DSCAM: variants seen among roughly 807,000 people sequenced by gnomAD.
DSCAM encodes the protein cell adhesion molecule DSCAM.
Under a neutral mutation model 217.7 loss-of-function variants are expected in DSCAM, and 47 were observed. The ratio of observed to expected loss-of-function variants is 0.22; its 90% CI spans 0.17 to 0.28. The LOEUF (loss-of-function observed/expected upper bound fraction) is 0.28, where lower values mean the gene tolerates loss of function less well. DSCAM is among the 10% of genes least tolerant of loss of function. The probability of loss-of-function intolerance (pLI) is 1.00; values close to 1 mark genes in which losing one functional copy is unlikely to be tolerated. For missense variants in DSCAM, 2,080 were observed against 2,618.3 expected, an observed-to-expected ratio of 0.79 and a Z score of 4.49; for synonymous variants, 1,056 against 1,015.3, an observed-to-expected ratio of 1.04 and a Z score of -0.76.
chr21:40,342,209 T>C (rs888870242), intron 6 of DSCAM, among the ~76,000 whole-genome samples: 2 of 152,182 alleles, frequency 1.3e-5, no homozygotes, highest in Non-Finnish European at 2.9e-5. Flanking sequence ...ATAGTATCTA[T>C]GTCAGATATC....
At chr21:40,789,968 C>T (rs1012049967) in intron 1 of DSCAM, among the ~76,000 whole-genome samples, 1 of 152,134 alleles carries the variant, frequency 6.6e-6, no homozygotes, top group African/African-American at 2.4e-5. Context: ...GTCTATATGG[C>T]TCTGATTGGT....
In DSCAM at chr21:40,846,507, G is replaced by A. The variant is rs569967637; in HGVS notation, c.43+112C>T. ...AAAGCACGAAATTTTAAACACAGAT[G>A]AAGCGGAAAAAGAAAGAAGACTTTA... On this transcript the variant is annotated intron_variant, in intron 1 of 32. Coordinates refer to ENST00000400454, the MANE Select transcript of DSCAM (RefSeq NM_001389.5). 28 of 384,472 alleles carry A rather than the reference G, an allele frequency of 7.3e-5. No individual in the cohort carries two copies. In the East Asian group the frequency reaches 2.1e-3, roughly 29 times the overall value. The allele number at this position is 384,472 out of a possible 1,614,324, so 23.8% of individuals were successfully genotyped here.
intron 3 of DSCAM, among the ~76,000 whole-genome samples, chr21:40,665,925 C>G (rs1202688403): frequency 2.0e-5 from 3 of 152,064 alleles, no homozygotes; most frequent in Admixed American, 2.0e-4. Context: ...TATCTCATGC[C>G]ACCTGTTCTT....
intron 3 of DSCAM, among the ~76,000 whole-genome samples, chr21:40,659,389 CTA>C (rs2090112812): frequency 7.3e-6 from 1 of 137,138 alleles, no homozygotes; most frequent in African/African-American, 3.0e-5. Context: ...ATCTATCTAT[CTA>C]TCATCTCTCT....
In DSCAM at chr21:40,459,170, A is replaced by C. The variant is rs886430658; in HGVS notation, c.509-89925T>G. On this transcript the variant is annotated intron_variant, in intron 3 of 32. Transcript: ENST00000400454. ...GCATTCGAAAACAGAATGATGTTAG[A>C]GCTATTAAATAAATCAAAAGTTTTG... 5.3e-5 allele frequency among the ~76,000 whole-genome samples: 8 copies of C among 152,340 alleles called. No homozygotes were observed. The South Asian group carries it at 6.2e-4, about 12-fold the overall frequency.
At position 40,563,534 on chromosome 21, in the gene DSCAM, T is replaced by C. The variant is rs952775196; in HGVS notation, c.508+129276A>G. ...GTAAAACAAAATATATCTATTTGTT[T>C]ATAGTTATATGTTTATATATGTTTA... On this transcript the variant is annotated intron_variant, in intron 3 of 32. Coordinates refer to ENST00000400454, the MANE Select transcript of DSCAM (RefSeq NM_001389.5). Among the ~76,000 whole-genome samples the C allele has an allele frequency of 2.3e-4, 25 of 111,068 alleles. 1 individual carries two copies. In the South Asian group the frequency reaches 6.7e-3, roughly 30 times the overall value. The allele number at this position is 111,068 out of a possible 152,430, so 72.9% of individuals were successfully genotyped here.
At chr21:40,636,956 CTCTG>C (rs2089769561) in intron 3 of DSCAM, among the ~76,000 whole-genome samples, 1 of 149,748 alleles carries the variant, frequency 6.7e-6, no homozygotes, top group Non-Finnish European at 1.5e-5. Context: ...TCAGCACTAT[CTCTG>C]TCTGTGGTGA....
At chr21:40,433,581 G>A (rs545132990) in intron 3 of DSCAM, among the ~76,000 whole-genome samples, 16 of 152,284 alleles carry the variant, frequency 1.1e-4, no homozygotes, top group East Asian at 3.9e-4. Context: ...CACTGTTGGC[G>A]GATGGCAGAG....
At chr21:40,371,409 C>G (rs948499291) in intron 3 of DSCAM, among the ~76,000 whole-genome samples, 2 of 132,438 alleles carry the variant, frequency 1.5e-5, no homozygotes, top group African/African-American at 5.6e-5. Flanking sequence ...GTTTGATAGA[C>G]AGAAAGGAAA....
Position 40,508,734 on chromosome 21 carries a change from AATATATATATAT to A in DSCAM, c.509-139501_509-139490del, listed in dbSNP as rs760072956. On this transcript the variant is annotated intron_variant, in intron 3 of 32. Coordinates refer to ENST00000400454, the MANE Select transcript of DSCAM (RefSeq NM_001389.5). ...CAGGTGCAAACCACCACACCCGGCA[AATATATATATAT>A]ATATATATATATATATATATATATA... 2.2e-4 allele frequency among the ~76,000 whole-genome samples: 10 copies of A among 45,846 alleles called. No homozygotes were observed. The East Asian group carries it at 2.8e-3, about 13-fold the overall frequency. The allele number at this position is 45,846 out of a possible 152,430, so 30.1% of individuals were successfully genotyped here.
chr21:40,100,157 G>A (rs374008108), intron 20 of DSCAM, among the ~76,000 whole-genome samples: 14 of 152,278 alleles, frequency 9.2e-5, no homozygotes, highest in Admixed American at 2.0e-4. Flanking sequence ...AGTATTTATT[G>A]TAAACAGAAT....
At position 40,557,668 on chromosome 21, in the gene DSCAM, A is replaced by G. The variant is rs563053853; in HGVS notation, c.508+135142T>C. Among the ~76,000 whole-genome samples, 5 of 152,218 alleles carry G rather than the reference A, an allele frequency of 3.3e-5. No homozygotes were observed. In the South Asian group the frequency reaches 1.0e-3, roughly 32 times the overall value. On this transcript the variant is annotated intron_variant, in intron 3 of 32. Transcript: ENST00000400454. ...TTTTCACCATGTAATCTCCCTGTACATGCGCACTTCTCTTCTGCTTTTTGT... is the reference window on the plus strand; with the variant it reads ...TTTTCACCATGTAATCTCCCTGTACGTGCGCACTTCTCTTCTGCTTTTTGT...
Position 40,339,216 on chromosome 21 carries a change from G to A in DSCAM, c.1410C>T (p.Asn470=). ...TSEGNVVSYL[N]ISSSQVRDGG... ...CGTCCCGGACCTGGGAGCTGGAGAT[G>A]TTCAGGTAGCTGACCACGTTCCCCT... Residue 470 remains asparagine, a synonymous_variant, in exon 7 of 33, where the codon AAC becomes AAT. Transcript: ENST00000400454. The A allele has an allele frequency of 6.2e-7, 1 of 1,614,234 alleles. No homozygotes were observed.
intron 3 of DSCAM, among the ~76,000 whole-genome samples, chr21:40,655,617 CT>C (rs923897147): frequency 2.0e-5 from 3 of 150,940 alleles, no homozygotes; most frequent in Admixed American, 6.6e-5. Flanking sequence ...TAATTTTTTT[CT>C]TTTTTTTTAA....
chr21:40,191,124 G>T (rs1282764959), intron 11 of DSCAM, among the ~76,000 whole-genome samples: 3 of 152,114 alleles, frequency 2.0e-5, no homozygotes, highest in East Asian at 3.9e-4. Context: ...AAACACTGTG[G>T]CTTCTTCTAA....
intron 11 of DSCAM, among the ~76,000 whole-genome samples, chr21:40,195,985 T>C (rs1471229426): frequency 1.3e-5 from 2 of 152,044 alleles, no homozygotes; most frequent in Non-Finnish European, 2.9e-5. Context: ...ACTGAATACA[T>C]TTTTTTTATT....
At chr21:40,725,458 T>C (rs2090945831) in intron 1 of DSCAM, among the ~76,000 whole-genome samples, 1 of 152,200 alleles carries the variant, frequency 6.6e-6, no homozygotes, top group South Asian at 2.1e-4. Flanking sequence ...GACTTTACCA[T>C]CCCTTGTACT....
At chr21:40,791,555 T>G (rs868598807) in intron 1 of DSCAM, among the ~76,000 whole-genome samples, 1 of 152,042 alleles carries the variant, frequency 6.6e-6, no homozygotes, top group Non-Finnish European at 1.5e-5. Context: ...CTCGGGAGGC[T>G]GAGGCGGGAA....
chr21:40,755,468 A>T (rs77947994), intron 1 of DSCAM, among the ~76,000 whole-genome samples: 4 of 105,880 alleles, frequency 3.8e-5, no homozygotes, highest in African/African-American at 1.1e-4. Context: ...AATAAATAAA[A>T]AATAAAAAAG....
Sources: allele counts gnomAD v4.1 joint callset (sites outside exome capture counted in the v4.1 genomes callset), GRCh38; gene constraint gnomAD v4.1.1; transcripts MANE v1.5; gene names NCBI Gene and HGNC (gene_info 2026-07-23, HGNC 2026-07-21).